Variants in UNC5C observed in about 807,000 individuals in gnomAD.
UNC5C encodes netrin receptor UNC5C.
UNC5C carries 47 observed loss-of-function variants against 99.8 expected under a neutral mutation model. That is an observed-to-expected ratio of 0.47 (90% CI 0.37 to 0.60). UNC5C has a LOEUF of 0.60. Ranked by LOEUF, UNC5C falls within the 20% of genes least tolerant of loss-of-function variation. The pLI is 0.00. For missense variants in UNC5C, 1,062 were observed against 1,165.9 expected, an observed-to-expected ratio of 0.91 and a Z score of 1.30; for synonymous variants, 487 against 452.2, an observed-to-expected ratio of 1.08 and a Z score of -0.98.
chr4:95,257,528 A>AG (rs1740048435), intron 4 of UNC5C, among the ~76,000 whole-genome samples: 1 of 152,150 alleles, frequency 6.6e-6, no homozygotes, highest in Non-Finnish European at 1.5e-5. Context: ...GTATGTGGAA[A>AG]GGGGGGTGCA....
At chr4:95,430,302 T>G (rs1485075867) in intron 1 of UNC5C, among the ~76,000 whole-genome samples, 1 of 152,082 alleles carries the variant, frequency 6.6e-6, no homozygotes, top group East Asian at 1.9e-4. Context: ...CTCTCTCAAA[T>G]TTGCTGTGAA....
At chr4:95,208,508 T>C (rs1445278473) in intron 10 of UNC5C, among the ~76,000 whole-genome samples, 2 of 152,242 alleles carry the variant, frequency 1.3e-5, no homozygotes, top group Admixed American at 6.5e-5. Flanking sequence ...TATTTCTTCA[T>C]GCTCTATCTT....
rs183281924 is a variant in UNC5C, at chr4:95,325,069, G to A, written c.346+10341C>T. ...TATAAGACACTGGTGGTTTGTTGAA[G>A]ACAGTTTAAGAGGAAAAACCATATC... On this transcript the variant is annotated intron_variant, in intron 2 of 15. Transcript: ENST00000453304. Among the ~76,000 whole-genome samples, 81 of 152,240 alleles carry A rather than the reference G, an allele frequency of 5.3e-4. 1 individual carries two copies. Among genetic ancestry groups the A allele is most frequent in the African/African-American group, 1.6e-3 (68 of 41,550 alleles).
At chr4:95,267,553 A>G (rs147260808) in intron 4 of UNC5C, among the ~76,000 whole-genome samples, 165 of 152,340 alleles carry the variant, frequency 1.1e-3, no homozygotes, top group Non-Finnish European at 1.3e-3. Flanking sequence ...GCATTTAGGA[A>G]TGTGAGCCAT....
chr4:95,484,466 G>A (rs775055849), intron 1 of UNC5C, among the ~76,000 whole-genome samples: 4 of 150,732 alleles, frequency 2.7e-5, no homozygotes, highest in Non-Finnish European at 4.4e-5. Flanking sequence ...ATGGGGTTGA[G>A]GCAACATGAC....
chr4:95,475,571 AATAG>A (rs1748120109), intron 1 of UNC5C, among the ~76,000 whole-genome samples: 2 of 152,112 alleles, frequency 1.3e-5, no homozygotes, highest in Non-Finnish European at 2.9e-5. Context: ...AGATATTTGA[AATAG>A]ATATATATTC....
chr4:95,403,535 C>T (rs942833950), intron 1 of UNC5C, among the ~76,000 whole-genome samples: 3 of 152,306 alleles, frequency 2.0e-5, no homozygotes, highest in Non-Finnish European at 2.9e-5. Context: ...CTTTTCAAAA[C>T]CTTGCCCCAC....
rs999477431 is a variant in UNC5C, at chr4:95,169,094, T to C, written c.*140A>G. On this transcript the variant is annotated 3_prime_UTR_variant, in exon 16 of 16. Transcript: ENST00000453304. ...GCATGTACATGGGCAGTTGTATCTGTTTTCCTTCTGGCTCCTGCTGCAGTC... is the reference window on the plus strand; with the variant it reads ...GCATGTACATGGGCAGTTGTATCTGCTTTCCTTCTGGCTCCTGCTGCAGTC... 8 of 1,060,246 alleles carry C rather than the reference T, an allele frequency of 7.5e-6. No homozygotes were observed. The Middle Eastern group carries it at 9.0e-4, about 119-fold the overall frequency. 65.7% of individuals were successfully genotyped at this position (1,060,246 alleles called of 1,614,324 possible). A position where few individuals can be genotyped will look rare whatever the true frequency, so the allele number is the denominator to read the frequency against.
intron 5 of UNC5C, among the ~76,000 whole-genome samples, chr4:95,250,253 A>G (rs1483806933): frequency 6.6e-6 from 1 of 152,118 alleles, no homozygotes; most frequent in African/African-American, 2.4e-5. Context: ...ATGGTGGTAC[A>G]TGCCTGTAAT....
chr4:95,384,510 G>A (rs147370167), intron 1 of UNC5C, among the ~76,000 whole-genome samples: 5 of 152,284 alleles, frequency 3.3e-5, no homozygotes, highest in African/African-American at 7.2e-5. Context: ...GAGCAGGTAC[G>A]AAGAACGTCC....
At chr4:95,256,677 T>A (rs1739995614) in intron 4 of UNC5C, among the ~76,000 whole-genome samples, 1 of 145,790 alleles carries the variant, frequency 6.9e-6, no homozygotes, top group South Asian at 2.2e-4. Flanking sequence ...GTCAGAGTTG[T>A]CTAGAGGGAC....
At chr4:95,529,462 C>T (rs1722584642) in intron 1 of UNC5C, among the ~76,000 whole-genome samples, 1 of 151,596 alleles carries the variant, frequency 6.6e-6, no homozygotes, top group Non-Finnish European at 1.5e-5. Flanking sequence ...TGCAGTGGCT[C>T]ATGCTTGTAA....
chr4:95,423,671 T>G (rs1331395769), intron 1 of UNC5C, among the ~76,000 whole-genome samples: 1 of 152,198 alleles, frequency 6.6e-6, no homozygotes, highest in East Asian at 1.9e-4. Context: ...TTAGAAGAAA[T>G]GTCTTTTAAA....
intron 3 of UNC5C, among the ~76,000 whole-genome samples, chr4:95,282,273 C>T (rs556128160): frequency 5.9e-5 from 9 of 152,140 alleles, no homozygotes; most frequent in African/African-American, 1.9e-4. Context: ...ATGGGGAGGT[C>T]AATAGGAGAA....
intron 1 of UNC5C, among the ~76,000 whole-genome samples, chr4:95,527,104 C>T (rs1225448468): frequency 1.3e-5 from 2 of 152,008 alleles, no homozygotes; most frequent in African/African-American, 4.8e-5. Context: ...TGCATTTACC[C>T]TATTCACAAA....
chr4:95,529,668 A>T (rs1313860185), intron 1 of UNC5C, among the ~76,000 whole-genome samples: 1 of 152,050 alleles, frequency 6.6e-6, no homozygotes, highest in South Asian at 2.1e-4. Flanking sequence ...TCGAAGCTGC[A>T]GTGAGCTGTG....
intron 1 of UNC5C, among the ~76,000 whole-genome samples, chr4:95,482,847 G>T (rs1240934293): frequency 2.5e-5 from 3 of 122,418 alleles, no homozygotes; most frequent in East Asian, 2.2e-4. Context: ...CATCACACTC[G>T]GGGGACTGTT....
At chr4:95,182,679 C>CTTG (rs1233156054) in intron 14 of UNC5C, among the ~76,000 whole-genome samples, 3 of 152,070 alleles carry the variant, frequency 2.0e-5, no homozygotes, top group African/African-American at 7.2e-5. Flanking sequence ...AAAATTAAGA[C>CTTG]TTGTTTTTCA....
chr4:95,456,926 A>G (rs893209272), intron 1 of UNC5C, among the ~76,000 whole-genome samples: 2 of 152,106 alleles, frequency 1.3e-5, no homozygotes, highest in Non-Finnish European at 2.9e-5. Context: ...CTGACTTTTA[A>G]TATTTTAAGT....
Sources: gnomAD v4.1 joint callset for allele counts (sites outside exome capture counted in the v4.1 genomes callset) on GRCh38, gnomAD v4.1.1 for gene constraint, MANE v1.5 for transcripts, NCBI Gene and HGNC (gene_info 2026-07-23, HGNC 2026-07-21) for gene names.